Variants in FDFT1 observed in about 807,000 individuals in gnomAD.
FDFT1 encodes squalene synthase.
In FDFT1, 68 loss-of-function variants were observed where a neutral mutation model predicts 46.8. The observed-to-expected ratio is 1.45, with a 90% CI of 1.19 to 1.78. The LOEUF is 1.78. Ranked by LOEUF, FDFT1 falls within the 40% of genes most tolerant of loss-of-function variation. FDFT1 has a pLI of 0.00. For synonymous variants in FDFT1, 351 were observed against 185.1 expected, an observed-to-expected ratio of 1.90 and a Z score of -7.28; for missense variants, 928 against 524.4, an observed-to-expected ratio of 1.77 and a Z score of -7.52.
chr8:11,822,516 T>C (rs957912957), intron 4 of FDFT1, among the ~76,000 whole-genome samples: 4 of 152,230 alleles, frequency 2.6e-5, no homozygotes, highest in Admixed American at 1.3e-4. Flanking sequence ...AATCAATTTC[T>C]GCATTTAAGG....
At chr8:11,819,396 C>T (rs556497453) in intron 3 of FDFT1, among the ~76,000 whole-genome samples, 5 of 152,246 alleles carry the variant, frequency 3.3e-5, no homozygotes, top group Admixed American at 3.3e-4. Context: ...TGTTGACCTG[C>T]CTTGCTAGGT....
intron 3 of FDFT1, among the ~76,000 whole-genome samples, chr8:11,818,353 G>C (rs375603488): frequency 2.6e-5 from 4 of 152,342 alleles, no homozygotes; most frequent in African/African-American, 9.6e-5. Context: ...TTGGGGTGGA[G>C]AGTTCTGTAG....
chr8:11,813,179 A>G (rs1807973399), intron 3 of FDFT1, among the ~76,000 whole-genome samples: 1 of 152,182 alleles, frequency 6.6e-6, no homozygotes, highest in Non-Finnish European at 1.5e-5. Flanking sequence ...CCACCATTGT[A>G]TTTCCAGTCT....
rs1811836864 is a variant in FDFT1, at chr8:11,838,403, C to T, written c.1048C>T (p.Pro350Ser). The T allele has an allele frequency of 6.2e-7, 1 of 1,613,536 alleles. No individual in the cohort carries two copies. Among genetic ancestry groups the T allele is most frequent in the Non-Finnish European group, 8.5e-7 (1 of 1,179,586 alleles). ...TCTTTAACAGATTTATCATAGAATC[C>T]CCGACTCAGACCCATCTTCTAGCAA... ...QYMEEIYHRI[P>S]DSDPSSSKTR... The change falls in exon 8 of 8, where the codon CCC (proline) becomes TCC (serine). Residue 350 changes from proline (P) to serine (S), a missense_variant. Pro to Ser is a moderately conservative substitution (Grantham distance 74). Coordinates refer to ENST00000220584, the MANE Select transcript of FDFT1 (RefSeq NM_004462.5).
At position 11,809,252 on chromosome 8, in the gene FDFT1, C is replaced by G. The variant is rs951740897; in HGVS notation, c.197+361C>G. ...TGGGTTGATTCTTTTGAAGCTGCCT[C>G]TGTGCACATTACACCCATGAACTTA... On this transcript the variant is annotated intron_variant, in intron 2 of 7. Coordinates refer to ENST00000220584, the MANE Select transcript of FDFT1 (RefSeq NM_004462.5). 9 of 1,150,188 alleles carry G rather than the reference C, an allele frequency of 7.8e-6. No individual in the cohort carries two copies. The Admixed American group carries it at 1.8e-4, about 23-fold the overall frequency. 71.2% of individuals were successfully genotyped at this position (1,150,188 alleles called of 1,614,324 possible).
At chr8:11,825,495 G>A (rs1023324273) in intron 4 of FDFT1, among the ~76,000 whole-genome samples, 1 of 145,454 alleles carries the variant, frequency 6.9e-6, no homozygotes, top group Non-Finnish European at 1.5e-5. Context: ...AGTTGAGATT[G>A]TGCCAGTGCA....
intron 3 of FDFT1, 140 bp from the exon 4 acceptor site, chr8:11,821,610 A>G: frequency 2.0e-6 from 2 of 1,024,816 alleles, no homozygotes; most frequent in Non-Finnish European, 2.8e-6. Context: ...AACAAAAACA[A>G]AAAAAATGTG....
intron 3 of FDFT1, among the ~76,000 whole-genome samples, chr8:11,816,941 T>C (rs551808350): frequency 1.1e-4 from 16 of 152,358 alleles, no homozygotes; most frequent in Admixed American, 9.1e-4. Flanking sequence ...ATCCTTGTCT[T>C]GTGCAGGTTT....
chr8:11,803,562 G>A, intron 1 of FDFT1: 1 of 1,011,248 alleles, frequency 9.9e-7, no homozygotes, highest in Non-Finnish European at 1.3e-6. Context: ...CCTCATGCCT[G>A]TACTATTTGT....
intron 7 of FDFT1, among the ~76,000 whole-genome samples, chr8:11,835,873 C>T (rs1236538447): frequency 6.9e-6 from 1 of 145,348 alleles, no homozygotes; most frequent in African/African-American, 2.5e-5. Context: ...GTGGCTGATG[C>T]CTCTAATCTC....
chr8:11,830,334 A>C lies in FDFT1; in HGVS notation c.793A>C (p.Asn265His). 3 of 1,613,428 alleles carry C rather than the reference A, an allele frequency of 1.9e-6. No individual in the cohort carries two copies. Among genetic ancestry groups the C allele is most frequent in the Non-Finnish European group, 2.5e-6 (3 of 1,179,426 alleles). ...AVQCLNELIT[N>H]ALHHIPDVIT... is the part of the protein sequence containing the mutation. ...GCAGTGCCTGAATGAACTTATAACCAATGCACTGCACCACATCCCAGATGT... is the reference window on the plus strand; with the variant it reads ...GCAGTGCCTGAATGAACTTATAACCCATGCACTGCACCACATCCCAGATGT... Residue 265 changes from asparagine (N) to histidine (H), a missense_variant, in exon 6 of 8, where the codon AAT (asparagine) becomes CAT (histidine). Physicochemically the swap from Asn to His is moderately conservative, Grantham distance 68. Coordinates refer to ENST00000220584, the MANE Select transcript of FDFT1 (RefSeq NM_004462.5).
In FDFT1 at chr8:11,826,227, AG is replaced by A; in HGVS notation, c.702+15del. On this transcript the variant is annotated intron_variant, in intron 5 of 7. Coordinates refer to ENST00000220584, the MANE Select transcript of FDFT1 (RefSeq NM_004462.5). Reference sequence around the variant, plus strand: ...TCTGGCCTCAAGAGGTAACAGATTCAGGGTATTTTGGGGGAAAATAACTTTA... The same window carrying A: ...TCTGGCCTCAAGAGGTAACAGATTCAGGTATTTTGGGGGAAAATAACTTTA... 1 of 1,501,278 alleles carries A rather than the reference AG, an allele frequency of 6.7e-7. No homozygotes were observed. Among genetic ancestry groups the A allele is most frequent in the Non-Finnish European group, 9.0e-7 (1 of 1,109,394 alleles). The allele number at this position is 1,501,278 out of a possible 1,614,324, so 93.0% of individuals were successfully genotyped here.
chr8:11,826,032 C>T lies in FDFT1; in HGVS notation c.519C>T (p.His173=), dbSNP rs916023354. 9.5e-6 allele frequency: 15 copies of T among 1,576,640 alleles called. No individual in the cohort carries two copies. Among genetic ancestry groups the T allele is most frequent in the Non-Finnish European group, 1.2e-5 (14 of 1,152,832 alleles). Residue 173 remains histidine, a synonymous_variant, in exon 5 of 8, where the codon CAC becomes CAT. Transcript: ENST00000220584. ...AAAATCGTCTCTTACAGTACTGCCACTATGTTGCTGGGCTGGTCGGAATTG... is the reference window on the plus strand; with the variant it reads ...AAAATCGTCTCTTACAGTACTGCCATTATGTTGCTGGGCTGGTCGGAATTG... ...TSEQEWDKYC[H]YVAGLVGIGL... is the part of the protein sequence containing the mutation.
At chr8:11,821,372 C>T (rs145554124) in intron 3 of FDFT1, among the ~76,000 whole-genome samples, 4 of 152,340 alleles carry the variant, frequency 2.6e-5, no homozygotes, top group Non-Finnish European at 5.9e-5. Context: ...GCTAGTGGAT[C>T]ATGAGGTCAG....
At chr8:11,816,310 C>A (rs558482125) in intron 3 of FDFT1, among the ~76,000 whole-genome samples, 1 of 152,184 alleles carries the variant, frequency 6.6e-6, no homozygotes, top group African/African-American at 2.4e-5. Context: ...GTGATGCCTC[C>A]AGCTTTGTTC....
intron 2 of FDFT1, 99 bp downstream of exon 2, chr8:11,808,990 G>A: frequency 1.3e-6 from 2 of 1,510,848 alleles, no homozygotes; most frequent in Non-Finnish European, 8.9e-7. Flanking sequence ...CAGCGTTGCA[G>A]CCTCGTTGCT....
chr8:11,810,318 C>G (rs1026254835), intron 3 of FDFT1, among the ~76,000 whole-genome samples: 23 of 152,202 alleles, frequency 1.5e-4, no homozygotes, highest in Admixed American at 1.2e-3. Flanking sequence ...ACCTGTAACA[C>G]TGCTGGCCTC....
intron 3 of FDFT1, chr8:11,810,079 C>T (rs570383226): frequency 1.4e-5 from 7 of 491,242 alleles, no homozygotes; most frequent in Admixed American, 1.1e-4. Flanking sequence ...ACTCTCTGTG[C>T]CTCAGTTTCT....
chr8:11,822,834 G>C (rs1231829929), intron 4 of FDFT1, among the ~76,000 whole-genome samples: 1 of 152,134 alleles, frequency 6.6e-6, no homozygotes, highest in Non-Finnish European at 1.5e-5. Context: ...TAAAGTTGAA[G>C]TTAAAACTTC....
Sources: allele counts gnomAD v4.1 joint callset (sites outside exome capture counted in the v4.1 genomes callset), GRCh38; gene constraint gnomAD v4.1.1; transcripts MANE v1.5; gene names NCBI Gene and HGNC (gene_info 2026-07-23, HGNC 2026-07-21).